The following ZNF417 variants were observed in gnomAD, a reference collection of about 807,000 sequenced individuals.
ZNF417 encodes the protein zinc finger protein 417.
In ZNF417, 5 loss-of-function variants were observed where a neutral mutation model predicts 7.4. That is an observed-to-expected ratio of 0.68 (90% CI 0.35 to 1.43). ZNF417 has a LOEUF of 1.43. Ranked by LOEUF, ZNF417 falls within the 40% of genes most tolerant of loss-of-function variation. The pLI is 0.04. For synonymous variants in ZNF417, 147 were observed against 239.1 expected (o/e 0.61, Z 3.55); for missense variants, 437 against 697.3 (o/e 0.63, Z 4.20).
At position 57,905,830 on chromosome 19, in the gene ZNF417, A is replaced by C. The variant is rs982844150; in HGVS notation, c.*2720T>G. 6.6e-6 allele frequency among the ~76,000 whole-genome samples: 1 copy of C among 152,246 alleles called. No homozygotes were observed. Among genetic ancestry groups the C allele is most frequent in the Non-Finnish European group, 1.5e-5 (1 of 68,040 alleles). On this transcript the variant is annotated 3_prime_UTR_variant, in exon 3 of 3. Coordinates refer to ENST00000312026, the MANE Select transcript of ZNF417 (RefSeq NM_152475.3). ...TTGTACAAAAAAATTTCAACATATA[A>C]GTTGCATACAAGCAGGAAGATTTAA...
At chr19:57,912,337 T>C (rs2071906544) in intron 1 of ZNF417, 148 bp from the exon 2 acceptor site, 2 of 1,400,234 alleles carry the variant, frequency 1.4e-6, no homozygotes, top group African/African-American at 1.5e-5. Context: ...TGTCTCTTCA[T>C]GGGCCCACTG....
intron 1 of ZNF417, among the ~76,000 whole-genome samples, chr19:57,912,993 A>C (rs1008219797): frequency 3.3e-5 from 5 of 151,862 alleles, no homozygotes; most frequent in Non-Finnish European, 7.4e-5. Context: ...GTTTGTTTCC[A>C]TAACTCTGCT....
chr19:57,912,578 T>C (rs1217502365), intron 1 of ZNF417, among the ~76,000 whole-genome samples: 2 of 152,090 alleles, frequency 1.3e-5, no homozygotes, highest in Non-Finnish European at 2.9e-5. Flanking sequence ...ACCATCAGCC[T>C]CTCTCTGGCA....
At position 57,909,266 on chromosome 19, in the gene ZNF417, T is replaced by C. The variant is rs547612994; in HGVS notation, c.1012A>G (p.Asn338Asp). ...EYGKSFGQKG[N>D]LIQHQQGHTG... Reference sequence around the variant, plus strand: ...TGACCTTGCTGATGTTGAATGAGGTTACCCTTTTGACCAAAAGATTTCCCA... The same window carrying C: ...TGACCTTGCTGATGTTGAATGAGGTCACCCTTTTGACCAAAAGATTTCCCA... The change falls in exon 3 of 3, where the codon AAC (asparagine) becomes GAC (aspartate). Residue 338 changes from asparagine to aspartate, a missense_variant. This residue lies in a region of ZNF417 where 53 missense variants were observed against 91.9 expected (regional missense o/e 0.58). Transcript: ENST00000312026. The C allele has an allele frequency of 3.1e-6, 5 of 1,614,060 alleles. No homozygotes were observed. The Admixed American group carries it at 8.3e-5, about 27-fold the overall frequency.
intron 1 of ZNF417, 108 bp from the exon 2 acceptor site, chr19:57,912,297 T>C (rs2071906152): frequency 6.5e-7 from 1 of 1,549,740 alleles, no homozygotes; most frequent in South Asian, 1.2e-5. Flanking sequence ...GTCCCCAACA[T>C]AGTGTTGAAA....
Position 57,908,503 on chromosome 19 carries a change from T to A in ZNF417, c.*47A>T, listed in dbSNP as rs763338679. 9.3e-6 allele frequency: 15 copies of A among 1,611,516 alleles called. No homozygotes were observed. Among genetic ancestry groups the A allele is most frequent in the Admixed American group, 1.7e-5 (1 of 59,986 alleles). On this transcript the variant is annotated 3_prime_UTR_variant, in exon 3 of 3. Transcript: ENST00000312026. Reference sequence around the variant, plus strand: ...TCTCCAGTATGAACTCTCCTGTGTTTAATGAGACGGGATGTTTCAGCAAAC... The same window carrying A: ...TCTCCAGTATGAACTCTCCTGTGTTAAATGAGACGGGATGTTTCAGCAAAC...
In ZNF417 at chr19:57,907,045, G is replaced by A. The variant is rs1301291493; in HGVS notation, c.*1505C>T. On this transcript the variant is annotated 3_prime_UTR_variant, in exon 3 of 3. Transcript: ENST00000312026. ...ATTTTTGTATTTTTAGTAGAGACAGGGTTTCACCATATTGTCCAGGGTGGT... is the reference window on the plus strand; with the variant it reads ...ATTTTTGTATTTTTAGTAGAGACAGAGTTTCACCATATTGTCCAGGGTGGT... The A allele has an allele frequency of 6.6e-6, 1 of 151,434 alleles. No individual in the cohort carries two copies. Among genetic ancestry groups the A allele is most frequent in the East Asian group, 2.0e-4 (1 of 5,014 alleles). The allele number at this position is 151,434 out of a possible 1,614,324, so 9.4% of individuals were successfully genotyped here. A position where few individuals can be genotyped will look rare whatever the true frequency, so the allele number is the denominator to read the frequency against.
In ZNF417 at chr19:57,916,542, A is replaced by AG. The variant is rs532427455; in HGVS notation, c.-132dup. ...TCACCGCGGTCCCCCCCCAGCACTC[A>AG]GGGGCCACAAACTGGGGAAACACCC... On this transcript the variant is annotated 5_prime_UTR_variant, in exon 1 of 3. Coordinates refer to ENST00000312026, the MANE Select transcript of ZNF417 (RefSeq NM_152475.3). 5.5e-3 allele frequency: 8,399 copies of AG among 1,537,482 alleles called. 28 individuals carry two copies. Among genetic ancestry groups the AG allele is most frequent in the Non-Finnish European group, 6.8e-3 (7,780 of 1,143,630 alleles).
In ZNF417 at chr19:57,916,583, A is replaced by C. The variant is rs1422736712; in HGVS notation, c.-172T>G. The C allele has an allele frequency of 4.1e-6, 6 of 1,470,386 alleles. No homozygotes were observed. In the East Asian group the frequency reaches 1.5e-4, roughly 36 times the overall value. The allele number at this position is 1,470,386 out of a possible 1,614,324, so 91.1% of individuals were successfully genotyped here. A position where few individuals can be genotyped will look rare whatever the true frequency, so the allele number is the denominator to read the frequency against. On this transcript the variant is annotated 5_prime_UTR_variant, in exon 1 of 3. Transcript: ENST00000312026. ...GGAAACACCCGCGTCACCGATACAC[A>C]GCCGCTACTAGAGACCCCGGAAGTC... is the stretch of plus-strand genomic sequence containing the variant.
At chr19:57,915,800 C>G (rs1037850780) in intron 1 of ZNF417, 34 of 413,038 alleles carry the variant, frequency 8.2e-5, no homozygotes, top group African/African-American at 5.3e-4. Flanking sequence ...CTTCTGACTC[C>G]AAGAGTCTGA....
intron 1 of ZNF417, among the ~76,000 whole-genome samples, chr19:57,914,681 C>A (rs2071931445): frequency 6.6e-6 from 1 of 152,102 alleles, no homozygotes; most frequent in African/African-American, 2.4e-5. Flanking sequence ...AAGGTCCAAC[C>A]AGATGAAGCC....
rs1399545356 is a variant in ZNF417 at position 57,909,360 on chromosome 19, A to C, written c.918T>G (p.Ser306Arg). 6.2e-7 allele frequency: 1 copy of C among 1,613,978 alleles called. No individual in the cohort carries two copies. Among genetic ancestry groups the C allele is most frequent in the African/African-American group, 1.3e-5 (1 of 74,914 alleles). The change falls in exon 3 of 3, where the codon AGT becomes AGG. Residue 306 changes from serine (S) to arginine (R), a missense_variant. By Grantham distance (110) the Ser-to-Arg change is moderately radical (BLOSUM62 -1). Coordinates refer to ENST00000312026, the MANE Select transcript of ZNF417 (RefSeq NM_152475.3). ...YPCEECGKSF[S>R]QKGSLISHQR... ...GATGGCTAATAAGGCTGCCCTTCTG[A>C]CTAAAAGATTTCCCGCACTCCTCAC...
chr19:57,915,990 C>T (rs1046133917), intron 1 of ZNF417, among the ~76,000 whole-genome samples: 2 of 152,176 alleles, frequency 1.3e-5, no homozygotes, highest in African/African-American at 4.8e-5. Context: ...TCACTTTAAC[C>T]CTCTATGAAT....
In ZNF417 at chr19:57,908,884, G is replaced by A. The variant is rs534115229; in HGVS notation, c.1394C>T (p.Ala465Val). 17 of 1,613,292 alleles carry A rather than the reference G, an allele frequency of 1.1e-5. No homozygotes were observed. Among genetic ancestry groups the A allele is most frequent in the Admixed American group, 8.3e-5 (5 of 59,928 alleles). Reference protein sequence around the residue: ...ERVHTGERPYACEVCGKLFGN... With the variant: ...ERVHTGERPYVCEVCGKLFGN... ...AAATAATTTCCCACATACCTCACAC[G>A]CATATGGCCTTTCTCCAGTGTGAAC... Residue 465 changes from alanine to valine, a missense_variant, in exon 3 of 3, where the codon GCG (alanine) becomes GTG (valine). Ala to Val is a moderately conservative substitution (Grantham distance 64). This residue lies in a region of ZNF417 where 233 missense variants were observed against 235.5 expected (regional missense o/e 0.99). Coordinates refer to ENST00000312026, the MANE Select transcript of ZNF417 (RefSeq NM_152475.3).
intron 1 of ZNF417, among the ~76,000 whole-genome samples, chr19:57,915,862 A>G (rs1345164036): frequency 6.6e-6 from 1 of 152,192 alleles, no homozygotes; most frequent in African/African-American, 2.4e-5. Context: ...ACCTAAGATC[A>G]GTGCTTGAGG....
intron 1 of ZNF417, among the ~76,000 whole-genome samples, chr19:57,913,158 T>G (rs928403077): frequency 1.9e-4 from 29 of 152,110 alleles, no homozygotes; most frequent in African/African-American, 6.5e-4. Context: ...TGTCCCACTT[T>G]CACAAGATGT....
rs1470192269 is a variant in ZNF417 at position 57,907,736 on chromosome 19, T to A, written c.*814A>T. 2.2e-5 allele frequency: 3 copies of A among 138,824 alleles called. No individual in the cohort carries two copies. The highest frequency in any genetic ancestry group is 1.9e-4 in the East Asian group (1 of 5,184). 8.6% of individuals were successfully genotyped at this position (138,824 alleles called of 1,614,324 possible). On this transcript the variant is annotated 3_prime_UTR_variant, in exon 3 of 3. Transcript: ENST00000312026. Reference sequence around the variant, plus strand: ...GGGCATGTGGCCCCTGAAAAAAGATTCTGGATTCCATAATCTCACCTTGCT... The same window carrying A: ...GGGCATGTGGCCCCTGAAAAAAGATACTGGATTCCATAATCTCACCTTGCT...
chr19:57,907,468 G>A lies in ZNF417; in HGVS notation c.*1082C>T, dbSNP rs1481339217. The A allele has an allele frequency of 1.3e-5, 2 of 154,952 alleles. No individual in the cohort carries two copies. Among genetic ancestry groups the A allele is most frequent in the East Asian group, 3.9e-4 (2 of 5,178 alleles). The allele number at this position is 154,952 out of a possible 1,614,324, so 9.6% of individuals were successfully genotyped here. On this transcript the variant is annotated 3_prime_UTR_variant, in exon 3 of 3. Transcript: ENST00000312026. ...TCCATGTGTTTGGTCAGTCATGAGA[G>A]GAAGAATAATTCAGAGTGAGAGGAA...
At chr19:57,912,618 GT>G (rs908666775) in intron 1 of ZNF417, among the ~76,000 whole-genome samples, 1 of 151,610 alleles carries the variant, frequency 6.6e-6, no homozygotes, top group East Asian at 1.9e-4. Flanking sequence ...GTTTTTTGGG[GT>G]TTTTTTTGAG....
Sources: allele counts gnomAD v4.1 joint callset (sites outside exome capture counted in the v4.1 genomes callset), GRCh38; gene constraint gnomAD v4.1.1; regional missense constraint gnomAD v4.1.1; transcripts MANE v1.5; gene names NCBI Gene and HGNC (gene_info 2026-07-23, HGNC 2026-07-21).